The following NR1I2 variants were observed in gnomAD, a reference collection of about 807,000 sequenced individuals.
NR1I2 encodes orphan nuclear receptor PAR1.
A neutral mutation model predicts 43.3 loss-of-function variants in NR1I2; 42 were observed. The observed-to-expected ratio is 0.97, with a 90% CI of 0.76 to 1.26. The LOEUF is 1.26. NR1I2 is among the 50% of genes most tolerant of loss of function. NR1I2 has a pLI of 0.00. For missense variants in NR1I2, 559 were observed against 566.7 expected (o/e 0.99, Z 0.14); for synonymous variants, 229 against 215.0 (o/e 1.06, Z -0.57).
chr3:119,806,194 T>C (rs1437617067), intron 1 of NR1I2, among the ~76,000 whole-genome samples: 1 of 152,244 alleles, frequency 6.6e-6, no homozygotes, highest in Non-Finnish European at 1.5e-5. Context: ...CCATTTCTAC[T>C]GAACATCCTC....
intron 5 of NR1I2, 96 bp downstream of exon 5, chr3:119,813,056 T>G: frequency 1.5e-6 from 2 of 1,376,436 alleles, no homozygotes; most frequent in Admixed American, 3.6e-5. Flanking sequence ...TTGGGGGATA[T>G]TGGTGTCAGA....
chr3:119,817,818 TC>T lies in NR1I2; in HGVS notation c.*608del. On this transcript the variant is annotated 3_prime_UTR_variant, in exon 9 of 9. Transcript: ENST00000393716. Reference sequence around the variant, plus strand: ...TGTCAGAAGCTTGGCATGACCTCATTCCGGCCACATCATTCTGTGTCTCTGC... The same window carrying T: ...TGTCAGAAGCTTGGCATGACCTCATTCGGCCACATCATTCTGTGTCTCTGC... 1.0e-6 allele frequency: 1 copy of T among 999,012 alleles called. No individual in the cohort carries two copies. The highest frequency in any genetic ancestry group is 1.2e-6 in the Non-Finnish European group (1 of 836,844). 61.9% of individuals were successfully genotyped at this position (999,012 alleles called of 1,614,324 possible).
At chr3:119,817,038 C>A (rs2055339319) in intron 8 of NR1I2, 30 bp from the exon 9 acceptor site, 1 of 1,613,904 alleles carries the variant, frequency 6.2e-7, no homozygotes, top group Admixed American at 1.7e-5. Context: ...GCGGGCTGCA[C>A]CCACAATCTT....
intron 1 of NR1I2, among the ~76,000 whole-genome samples, chr3:119,789,041 A>G (rs2054882849): frequency 6.6e-6 from 1 of 152,182 alleles, no homozygotes; most frequent in African/African-American, 2.4e-5. Context: ...GGTGATCTGT[A>G]TGTACTTGAA....
At chr3:119,811,857 GCTGGTC>G in intron 4 of NR1I2, 131 bp downstream of exon 4, 1 of 889,108 alleles carries the variant, frequency 1.1e-6, no homozygotes. Flanking sequence ...GATTTGGAGA[GCTGGTC>G]CTGCATCTGT....
At chr3:119,814,628 C>A (rs2055292265) in intron 5 of NR1I2, among the ~76,000 whole-genome samples, 1 of 152,134 alleles carries the variant, frequency 6.6e-6, no homozygotes. Context: ...GAAACTGAGG[C>A]AGAAAGGAGG....
rs561984009 is a variant in NR1I2 at position 119,807,345 on chromosome 3, A to G, written c.95A>G (p.Asp32Gly). Residue 32 changes from aspartate (D) to glycine (G), a missense_variant, in exon 2 of 9, where the codon GAT becomes GGT. Around this residue, in one of 3 missense-constraint regions of NR1I2, gnomAD observed 232 missense variants for 236.6 expected, o/e 0.98. Transcript: ENST00000393716. ...CCTGGAAAGCCCAGTGTCAACGCAG[A>G]TGAGGAAGTCGGAGGTCCCCAAATC... is the stretch of plus-strand genomic sequence containing the variant. The G allele has an allele frequency of 6.2e-7, 1 of 1,614,266 alleles. No homozygotes were observed. The highest frequency in any genetic ancestry group is 1.1e-5 in the South Asian group (1 of 91,088).
At chr3:119,815,901 A>C in intron 8 of NR1I2, 70 bp downstream of exon 8, 1 of 1,313,972 alleles carries the variant, frequency 7.6e-7, no homozygotes, top group Non-Finnish European at 1.1e-6. Context: ...AAATTGCCCA[A>C]GACTTCATGG....
At chr3:119,814,375 G>T (rs1366033761) in intron 5 of NR1I2, among the ~76,000 whole-genome samples, 1 of 152,188 alleles carries the variant, frequency 6.6e-6, no homozygotes, top group African/African-American at 2.4e-5. Context: ...GTGCTTCAGC[G>T]CTAGGAGTGG....
chr3:119,817,005 A>C, intron 8 of NR1I2, 63 bp from the exon 9 acceptor site: 2 of 1,588,460 alleles, frequency 1.3e-6, no homozygotes, highest in Non-Finnish European at 1.7e-6. Context: ...GCCTCAGAGC[A>C]GCCCTGAGGC....
At chr3:119,786,477 A>G (rs1037496204) in intron 1 of NR1I2, among the ~76,000 whole-genome samples, 4 of 152,246 alleles carry the variant, frequency 2.6e-5, no homozygotes. Context: ...TCCCTCATGT[A>G]ATGTTTGAAA....
At chr3:119,810,370 G>A in intron 3 of NR1I2, 176 bp downstream of exon 3, 2 of 939,602 alleles carry the variant, frequency 2.1e-6, no homozygotes, top group Non-Finnish European at 3.1e-6. Flanking sequence ...AGCGCTTGCA[G>A]TCGGCCCTCT....
chr3:119,791,744 A>C (rs911847059), intron 1 of NR1I2: 4 of 401,362 alleles, frequency 1.0e-5, no homozygotes, highest in South Asian at 7.8e-5. Flanking sequence ...GTGAAACCCC[A>C]TCTCTACTAA....
chr3:119,815,751 C>G lies in NR1I2; in HGVS notation c.1080C>G (p.Arg360=). The change falls in exon 8 of 9, where the codon CGC becomes CGG. Residue 360 remains arginine, a synonymous_variant. Coordinates refer to ENST00000393716, the MANE Select transcript of NR1I2 (RefSeq NM_003889.4). ...ACCGCCCAGGTGTGCTGCAGCACCG[C>G]GTGGTGGACCAGCTGCAGGAGCAAT... 6.2e-7 allele frequency: 1 copy of G among 1,613,696 alleles called. No homozygotes were observed. The highest frequency in any genetic ancestry group is 8.5e-7 in the Non-Finnish European group (1 of 1,179,840).
intron 3 of NR1I2, 47 bp from the exon 4 acceptor site, chr3:119,811,490 AGG>A: frequency 6.4e-7 from 1 of 1,556,494 alleles, no homozygotes; most frequent in Non-Finnish European, 8.7e-7. Flanking sequence ...AGGGGGCTGG[AGG>A]CTCACCAGGG....
intron 1 of NR1I2, among the ~76,000 whole-genome samples, chr3:119,790,289 T>G (rs145412901): frequency 6.6e-6 from 1 of 152,352 alleles, no homozygotes; most frequent in African/African-American, 2.4e-5. Flanking sequence ...TGTCCCATGT[T>G]TTGTTTATCC....
intron 4 of NR1I2, among the ~76,000 whole-genome samples, chr3:119,812,431 AG>A (rs1420575153): frequency 1.3e-5 from 2 of 152,174 alleles, no homozygotes; most frequent in African/African-American, 4.8e-5. Context: ...TTAACCAAGC[AG>A]GGATGTGTGT....
chr3:119,815,701 T>C (rs373327013), intron 7 of NR1I2, 25 bp from the exon 8 acceptor site: 1 of 1,589,216 alleles, frequency 6.3e-7, no homozygotes, highest in Non-Finnish European at 8.6e-7. Flanking sequence ...CCCATGATCT[T>C]GCACCACACC....
rs2055344602 is a variant in NR1I2 at position 119,817,274 on chromosome 3, C to T, written c.*62C>T. 1 of 1,608,400 alleles carries T rather than the reference C, an allele frequency of 6.2e-7. No homozygotes were observed. Among genetic ancestry groups the T allele is most frequent in the African/African-American group, 1.3e-5 (1 of 74,910 alleles). On this transcript the variant is annotated 3_prime_UTR_variant, in exon 9 of 9. Coordinates refer to ENST00000393716, the MANE Select transcript of NR1I2 (RefSeq NM_003889.4). ...AGACCCAGAGCCCTCTGAGCCGCCA[C>T]TCCCGGGCCAAGACAGATGGACACT...
Sources: gnomAD v4.1 joint callset for allele counts (sites outside exome capture counted in the v4.1 genomes callset) on GRCh38, gnomAD v4.1.1 for gene constraint, gnomAD v4.1.1 regional missense constraint, MANE v1.5 for transcripts, NCBI Gene and HGNC (gene_info 2026-07-23, HGNC 2026-07-21) for gene names.